The following SMC5 variants were observed in gnomAD, a reference collection of about 807,000 sequenced individuals.
SMC5 encodes the protein structural maintenance of chromosomes protein 5.
In SMC5, 88 loss-of-function variants were observed where a neutral mutation model predicts 148.3. The ratio of observed to expected loss-of-function variants is 0.59; its 90% CI spans 0.50 to 0.71. The LOEUF is 0.71. Ranked by LOEUF, SMC5 falls within the 30% of genes least tolerant of loss-of-function variation. The pLI, the probability that SMC5 is intolerant of heterozygous loss-of-function variation, is 0.00. For synonymous variants in SMC5, 421 were observed against 432.8 expected, an observed-to-expected ratio of 0.97 and a Z score of 0.34; for missense variants, 1,142 against 1,298.9, an observed-to-expected ratio of 0.88 and a Z score of 1.86.
At position 70,277,341 on chromosome 9, in the gene SMC5, C is replaced by G. The variant is rs778612425; in HGVS notation, c.412C>G (p.Arg138Gly). 1.9e-6 allele frequency: 3 copies of G among 1,596,798 alleles called. No individual in the cohort carries two copies. The highest frequency in any genetic ancestry group is 2.6e-6 in the Non-Finnish European group (3 of 1,171,858). ...GGCTTCTGGAAATCTTGTAATCACC[C>G]GTGAGATTGATGTGGCAAAAAATCA... ...FRASGNLVIT[R>G]EIDVAKNQSF... Residue 138 changes from arginine (R) to glycine (G), a missense_variant, in exon 4 of 25, where the codon CGT becomes GGT. Transcript: ENST00000361138.
chr9:70,262,092 C>A (rs541861582), intron 1 of SMC5, among the ~76,000 whole-genome samples: 1 of 152,070 alleles, frequency 6.6e-6, no homozygotes, highest in East Asian at 1.9e-4. Flanking sequence ...GAGAAAGATG[C>A]GCTTAGAGAA....
chr9:70,272,519 C>T (rs528258720), intron 3 of SMC5, among the ~76,000 whole-genome samples: 49 of 152,108 alleles, frequency 3.2e-4, no homozygotes, highest in African/African-American at 1.1e-3. Context: ...AATTCACCAA[C>T]CTGGGCAACA....
intron 3 of SMC5, among the ~76,000 whole-genome samples, chr9:70,276,972 A>C (rs1272703386): frequency 6.6e-6 from 1 of 152,172 alleles, no homozygotes; most frequent in South Asian, 2.1e-4. Context: ...ATTGCAGTCA[A>C]TGCATGTGAT....
chr9:70,286,172 CCCCCCTCT>C lies in SMC5; in HGVS notation c.982-23_982-16del. On this transcript the variant is annotated intron_variant, in intron 7 of 24. Transcript: ENST00000361138. ...TTGCATGAGTTTTTAACTAGCTGTCCCCCCCTCTCCCCGGTTTAATTTTACAGGCAACA... is the reference window on the plus strand; with the variant it reads ...TTGCATGAGTTTTTAACTAGCTGTCCCCCCGGTTTAATTTTACAGGCAACA... 1.2e-5 allele frequency: 16 copies of C among 1,292,476 alleles called. No individual in the cohort carries two copies. The highest frequency in any genetic ancestry group is 1.7e-5 in the Non-Finnish European group (15 of 902,802). 80.1% of individuals were successfully genotyped at this position (1,292,476 alleles called of 1,614,324 possible).
intron 11 of SMC5, among the ~76,000 whole-genome samples, chr9:70,313,481 GT>G (rs1001469719): frequency 6.6e-6 from 1 of 151,338 alleles, no homozygotes; most frequent in African/African-American, 2.4e-5. Context: ...CTTAGTAGTT[GT>G]TTTTTTTGTT....
intron 6 of SMC5, 21 bp downstream of exon 6, chr9:70,280,920 G>A (rs200422160): frequency 1.2e-6 from 2 of 1,612,776 alleles, no homozygotes; most frequent in East Asian, 2.2e-5. Flanking sequence ...ATTTTTAGAG[G>A]CAAAGTACGT....
intron 17 of SMC5, among the ~76,000 whole-genome samples, chr9:70,339,321 C>A (rs983041696): frequency 6.6e-6 from 1 of 151,472 alleles, no homozygotes; most frequent in African/African-American, 2.4e-5. Flanking sequence ...CCCAGCTACT[C>A]GGGAGGCTGA....
chr9:70,274,967 C>T (rs2118094612), intron 3 of SMC5, among the ~76,000 whole-genome samples: 1 of 151,996 alleles, frequency 6.6e-6, no homozygotes, highest in East Asian at 1.9e-4. Context: ...TTAGAATTAC[C>T]TCAGATATTT....
chr9:70,319,861 C>A (rs1191609354), intron 15 of SMC5, among the ~76,000 whole-genome samples: 1 of 152,178 alleles, frequency 6.6e-6, no homozygotes, highest in East Asian at 1.9e-4. Flanking sequence ...TCACATTGAT[C>A]ACTGATTCCA....
intron 11 of SMC5, among the ~76,000 whole-genome samples, chr9:70,308,152 T>C (rs2035555709): frequency 6.6e-6 from 1 of 152,196 alleles, no homozygotes; most frequent in Non-Finnish European, 1.5e-5. Context: ...GAATTCACAC[T>C]ACTACTTACA....
At chr9:70,292,847 A>G (rs140830861) in intron 8 of SMC5, among the ~76,000 whole-genome samples, 36 of 152,282 alleles carry the variant, frequency 2.4e-4, no homozygotes, top group African/African-American at 8.2e-4. Context: ...TCCGTCAAAT[A>G]AACCCCACTT....
chr9:70,331,487 G>T (rs1185490263), intron 17 of SMC5, among the ~76,000 whole-genome samples: 1 of 150,298 alleles, frequency 6.7e-6, no homozygotes, highest in Non-Finnish European at 1.5e-5. Context: ...AGGTTTGATA[G>T]TGGTATTATG....
chr9:70,299,336 T>A (rs1112937), intron 9 of SMC5, among the ~76,000 whole-genome samples: 21,616 of 151,974 alleles, frequency 0.14, 1,779 homozygotes, highest in African/African-American at 0.22. Flanking sequence ...TAATTTTTTT[T>A]TTTAAATTTG....
intron 8 of SMC5, among the ~76,000 whole-genome samples, chr9:70,287,887 CT>C (rs2034953586): frequency 6.6e-6 from 1 of 152,090 alleles, no homozygotes; most frequent in Non-Finnish European, 1.5e-5. Flanking sequence ...ACATCCCTTT[CT>C]TTTTCACTCA....
intron 10 of SMC5, among the ~76,000 whole-genome samples, chr9:70,301,275 A>G (rs969520072): frequency 8.5e-5 from 13 of 152,198 alleles, no homozygotes; most frequent in African/African-American, 1.2e-4. Flanking sequence ...ACTGTATTAG[A>G]TTTGTCTCCT....
chr9:70,269,703 A>G (rs1288629961), intron 3 of SMC5, among the ~76,000 whole-genome samples: 1 of 152,246 alleles, frequency 6.6e-6, no homozygotes, highest in African/African-American at 2.4e-5. Flanking sequence ...CTTGAAGAAT[A>G]AATGTGCCAG....
At chr9:70,265,529 T>A (rs2034267554) in intron 2 of SMC5, among the ~76,000 whole-genome samples, 1 of 152,120 alleles carries the variant, frequency 6.6e-6, no homozygotes, top group Admixed American at 6.5e-5. Context: ...ATCACAATGA[T>A]TATAAATGAT....
intron 11 of SMC5, among the ~76,000 whole-genome samples, chr9:70,308,700 A>G (rs906540901): frequency 2.0e-5 from 3 of 147,002 alleles, no homozygotes; most frequent in Admixed American, 1.4e-4. Flanking sequence ...TTTCTTTTTC[A>G]TTGTATTAAG....
intron 17 of SMC5, among the ~76,000 whole-genome samples, chr9:70,337,851 A>AT (rs34041276): frequency 0.65 from 96,895 of 148,000 alleles, 31,758 homozygotes; most frequent in Non-Finnish European, 0.7. Flanking sequence ...TGAATTACTA[A>AT]TTTTTTTTTT....
Sources: gnomAD v4.1 joint callset for allele counts (sites outside exome capture counted in the v4.1 genomes callset) on GRCh38, gnomAD v4.1.1 for gene constraint, MANE v1.5 for transcripts, NCBI Gene and HGNC (gene_info 2026-07-23, HGNC 2026-07-21) for gene names.